The following BICRAL variants were observed in gnomAD, a reference collection of about 807,000 sequenced individuals.
BICRAL encodes BRD4-interacting chromatin-remodeling complex-associated protein-like.
BICRAL carries 8 observed loss-of-function variants against 91.8 expected under a neutral mutation model. The observed-to-expected ratio is 0.09, with a 90% CI of 0.05 to 0.16. The LOEUF is 0.16. BICRAL is among the 10% of genes least tolerant of loss of function. The probability of loss-of-function intolerance (pLI) is 1.00; values close to 1 mark genes in which losing one functional copy is unlikely to be tolerated. For synonymous variants in BICRAL, 445 were observed against 491.1 expected (o/e 0.91, Z 1.24); for missense variants, 1,038 against 1,310.9 (o/e 0.79, Z 3.21).
At chr6:42,781,949 G>C (rs1762922266), upstream of BICRAL, 1 of 146,882 alleles carries the variant, frequency 6.8e-6, no homozygotes, top group African/African-American at 2.5e-5. Context: ...GCGGGGGTGA[G>C]CGAGAGAGAG....
chr6:42,826,570 A>C (rs1757140718), intron 5 of BICRAL, among the ~76,000 whole-genome samples: 1 of 151,960 alleles, frequency 6.6e-6, no homozygotes, highest in Admixed American at 6.6e-5. Flanking sequence ...TCTAGGCAAC[A>C]AACCTGACCT....
Position 42,851,785 on chromosome 6 carries a change from C to T in BICRAL, c.1840-307C>T, listed in dbSNP as rs969261600. 2.6e-5 allele frequency among the ~76,000 whole-genome samples: 4 copies of T among 152,014 alleles called. No homozygotes were observed. In the East Asian group the frequency reaches 7.7e-4, roughly 29 times the overall value. On this transcript the variant is annotated intron_variant, in intron 6 of 12. Transcript: ENST00000314073. Reference sequence around the variant, plus strand: ...ATAAGGTTACTGGGGGTAGAAATTCCCAGCTGCAGCTTTTTCATCTGAGCA... The same window carrying T: ...ATAAGGTTACTGGGGGTAGAAATTCTCAGCTGCAGCTTTTTCATCTGAGCA...
Position 42,840,858 on chromosome 6 carries a change from G to A in BICRAL, c.1839+10686G>A, listed in dbSNP as rs1764774257. On this transcript the variant is annotated intron_variant, in intron 6 of 12. Transcript: ENST00000314073. Reference sequence around the variant, plus strand: ...GGAGGCCGAAGCGGGTGGATCACTTGAGGTCAGGAGTTCAAGACTAGCGTG... The same window carrying A: ...GGAGGCCGAAGCGGGTGGATCACTTAAGGTCAGGAGTTCAAGACTAGCGTG... Among the ~76,000 whole-genome samples the A allele has an allele frequency of 2.6e-5, 4 of 151,732 alleles. No homozygotes were observed. In the South Asian group the frequency reaches 8.3e-4, roughly 32 times the overall value.
In BICRAL at chr6:42,853,517, C is replaced by A. The variant is rs1765257987; in HGVS notation, c.1946-121C>A. 5.8e-6 allele frequency: 4 copies of A among 686,098 alleles called. No individual in the cohort carries two copies. In the East Asian group the frequency reaches 1.0e-4, roughly 18 times the overall value. 42.5% of individuals were successfully genotyped at this position (686,098 alleles called of 1,614,324 possible). On this transcript the variant is annotated intron_variant, in intron 7 of 12. Transcript: ENST00000314073. ...TGCCCTCCTTCTTCACAGCAAGCAG[C>A]CATGATAAAGAAACCCGTTTCAGAA... is the stretch of plus-strand genomic sequence containing the variant.
At chr6:42,796,371 A>G (rs1483219642) in intron 1 of BICRAL, among the ~76,000 whole-genome samples, 2 of 152,208 alleles carry the variant, frequency 1.3e-5, no homozygotes, top group African/African-American at 2.4e-5. Context: ...GGCCTAAGAT[A>G]TGAGCATGCA....
intron 6 of BICRAL, among the ~76,000 whole-genome samples, chr6:42,840,219 TTTTGTTTGTTTGTTTGTTTG>T (rs143931324): frequency 6.7e-5 from 10 of 150,278 alleles, no homozygotes; most frequent in African/African-American, 2.2e-4. Flanking sequence ...TTTTGTTCTT[TTTTGTTTGTTTGTTTGTTTG>T]TTTGTTTGTT....
Position 42,864,670 on chromosome 6 carries a change from G to T in BICRAL, c.2464G>T (p.Ala822Ser), listed in dbSNP as rs777942531. Residue 822 changes from alanine (A) to serine (S), a missense_variant, in exon 13 of 13, where the codon GCT becomes TCT. Ala to Ser is a moderately conservative substitution (Grantham distance 99). Coordinates refer to ENST00000314073, the MANE Select transcript of BICRAL (RefSeq NM_001393499.1). ...LALVDPEGFQ[A>S]DFCCSFKLDK... ...GTTCCCATTTCCAGAGGGTTTTCAG[G>T]CTGATTTCTGTTGTTCCTTCAAACT... The T allele has an allele frequency of 3.1e-6, 5 of 1,613,282 alleles. No homozygotes were observed. The Admixed American group carries it at 8.3e-5, about 27-fold the overall frequency.
At chr6:42,814,516 TA>T (rs1202149869) in intron 2 of BICRAL, among the ~76,000 whole-genome samples, 4 of 94,020 alleles carry the variant, frequency 4.3e-5, no homozygotes, top group African/African-American at 1.9e-4. Flanking sequence ...TATATATATA[TA>T]TATTTTTTTT....
chr6:42,757,995 C>T (rs1347697879), intron 1 of BICRAL, among the ~76,000 whole-genome samples: 1 of 152,194 alleles, frequency 6.6e-6, no homozygotes, highest in Admixed American at 6.5e-5. Context: ...TCTGACCATG[C>T]TCATGACACC....
chr6:42,852,241 G>A (rs1765207616), intron 7 of BICRAL, 44 bp downstream of exon 7: 2 of 1,118,136 alleles, frequency 1.8e-6, no homozygotes, highest in Non-Finnish European at 2.7e-6. Context: ...CAACACCACG[G>A]GATGCTCTTC....
At chr6:42,779,844 C>T (rs1762861304), upstream of BICRAL, among the ~76,000 whole-genome samples, 2 of 152,144 alleles carry the variant, frequency 1.3e-5, no homozygotes, top group Admixed American at 1.3e-4. Context: ...TGCTCTTGAA[C>T]TCCTGGCCTC....
Position 42,865,252 on chromosome 6 carries a change from G to C in BICRAL, c.3046G>C (p.Glu1016Gln). The part of the protein sequence containing the change: ...SLETTFKNIL[E>Q]LKKAGRQPQS... ...GGAAACCACATTTAAGAACATCTTG[G>C]AACTCAAAAAGGCGGGACGGCAGCC... Residue 1016 changes from glutamate to glutamine, a missense_variant, in exon 13 of 13, where the codon GAA (glutamate) becomes CAA (glutamine). Glu to Gln is a conservative substitution (Grantham distance 29, BLOSUM62 2). Around this residue, in one of 5 missense-constraint regions of BICRAL, gnomAD observed 92 missense variants for 147.8 expected, o/e 0.62. Coordinates refer to ENST00000314073, the MANE Select transcript of BICRAL (RefSeq NM_001393499.1). The C allele has an allele frequency of 6.2e-7, 1 of 1,614,094 alleles. No homozygotes were observed. The highest frequency in any genetic ancestry group is 8.5e-7 in the Non-Finnish European group (1 of 1,179,992).
chr6:42,852,286 T>G, intron 7 of BICRAL, 89 bp downstream of exon 7: 1 of 782,938 alleles, frequency 1.3e-6, no homozygotes, highest in Non-Finnish European at 2.3e-6. Context: ...GAAAGCTTTC[T>G]GGCTTAATCT....
Position 42,826,265 on chromosome 6 carries a change from C to T in BICRAL, c.160-2228C>T, listed in dbSNP as rs192081849. On this transcript the variant is annotated intron_variant, in intron 5 of 12. Transcript: ENST00000314073. ...TTTTTTTTTTTTGAGACAAGAGTCT[C>T]GCTCTGTTGCCCAGGCTGAAGTGCA... 5.9e-3 allele frequency among the ~76,000 whole-genome samples: 853 copies of T among 144,008 alleles called. 9 individuals carry two copies. The highest frequency in any genetic ancestry group is 0.021 in the African/African-American group (822 of 38,546). 94.5% of individuals were successfully genotyped at this position (144,008 alleles called of 152,430 possible).
chr6:42,747,667 G>A (rs1308411413), intron 1 of BICRAL, among the ~76,000 whole-genome samples: 1 of 152,220 alleles, frequency 6.6e-6, no homozygotes, highest in Non-Finnish European at 1.5e-5. Flanking sequence ...GTGTGTCCGC[G>A]TGCCTGCGTG....
Position 42,865,626 on chromosome 6 carries a change from T to G in BICRAL, c.*180T>G. The G allele has an allele frequency of 1.7e-6, 1 of 575,652 alleles. No homozygotes were observed. Among genetic ancestry groups the G allele is most frequent in the Non-Finnish European group, 3.1e-6 (1 of 324,236 alleles). 35.7% of individuals were successfully genotyped at this position (575,652 alleles called of 1,614,324 possible). A position where few individuals can be genotyped will look rare whatever the true frequency, so the allele number is the denominator to read the frequency against. On this transcript the variant is annotated 3_prime_UTR_variant, in exon 13 of 13. Coordinates refer to ENST00000314073, the MANE Select transcript of BICRAL (RefSeq NM_001393499.1). ...CCTGTTCTTTGTTTAAGAGCAATAC[T>G]TGTCGTGATTACAGGGAGATCCTTT...
At chr6:42,771,641 G>A (rs899995431) in intron 1 of BICRAL, among the ~76,000 whole-genome samples, 1 of 151,360 alleles carries the variant, frequency 6.6e-6, no homozygotes, top group Admixed American at 6.6e-5. Context: ...TTTTCTGATG[G>A]TTTTTCGTGT....
At chr6:42,790,330 A>ATTTTTTTTTT (rs70990136) in intron 1 of BICRAL, among the ~76,000 whole-genome samples, 5 of 87,824 alleles carry the variant, frequency 5.7e-5, no homozygotes, top group African/African-American at 1.1e-4. Context: ...AGATAATTTA[A>ATTTTTTTTTT]TTTTTTTTTT....
intron 1 of BICRAL, among the ~76,000 whole-genome samples, chr6:42,805,706 G>T (rs1452903521): frequency 2.6e-5 from 4 of 152,008 alleles, no homozygotes; most frequent in Non-Finnish European, 5.9e-5. Context: ...GTGTGCTAAA[G>T]AGGACAAGGA....
Sources: gnomAD v4.1 joint callset for allele counts (sites outside exome capture counted in the v4.1 genomes callset) on GRCh38, gnomAD v4.1.1 for gene constraint, gnomAD v4.1.1 regional missense constraint, MANE v1.5 for transcripts, NCBI Gene and HGNC (gene_info 2026-07-23, HGNC 2026-07-21) for gene names.